SVOPL: variants seen among roughly 807,000 people sequenced by gnomAD.
The protein encoded by SVOPL is putative transporter SVOPL.
Under a neutral mutation model 61.0 loss-of-function variants are expected in SVOPL, and 60 were observed. That is an observed-to-expected ratio of 0.98 (90% confidence interval 0.80 to 1.22). The LOEUF (loss-of-function observed/expected upper bound fraction) is 1.22, where lower values mean the gene tolerates loss of function less well. SVOPL is among the 50% of genes most tolerant of loss of function. The probability of loss-of-function intolerance (pLI) is 0.00; values close to 1 mark genes in which losing one functional copy is unlikely to be tolerated. For missense variants in SVOPL, 662 were observed against 643.9 expected, an observed-to-expected ratio of 1.03 and a Z score of -0.30; for synonymous variants, 279 against 250.0, an observed-to-expected ratio of 1.12 and a Z score of -1.09.
chr7:138,685,160 G>A (rs886143319), intron 1 of SVOPL, among the ~76,000 whole-genome samples: 6 of 152,004 alleles, frequency 3.9e-5, no homozygotes, highest in Admixed American at 1.3e-4. Context: ...TCCGACTCCC[G>A]ACCTCAGGTG....
intron 1 of SVOPL, among the ~76,000 whole-genome samples, chr7:138,686,737 T>C (rs538371121): frequency 4.7e-4 from 72 of 152,084 alleles, no homozygotes; most frequent in African/African-American, 1.7e-3. Flanking sequence ...GCTAATTTTG[T>C]ATTTTTAGTA....
At chr7:138,677,066 T>G (rs1472988321) in intron 3 of SVOPL, among the ~76,000 whole-genome samples, 6 of 151,626 alleles carry the variant, frequency 4.0e-5, no homozygotes, top group Admixed American at 6.6e-5. Flanking sequence ...ACCATGCCCG[T>G]CTCATTTTTT....
intron 10 of SVOPL, among the ~76,000 whole-genome samples, chr7:138,629,770 G>C (rs1800087788): frequency 6.6e-6 from 1 of 152,182 alleles, no homozygotes. Flanking sequence ...GTGAGAAAAA[G>C]ACCAGGCTGC....
chr7:138,698,461 T>A (rs1257997166), intron 1 of SVOPL, among the ~76,000 whole-genome samples: 1 of 152,076 alleles, frequency 6.6e-6, no homozygotes, highest in Admixed American at 6.6e-5. Context: ...CTGGCTGGCA[T>A]CTCAGGTCAT....
intron 7 of SVOPL, among the ~76,000 whole-genome samples, chr7:138,652,861 G>C (rs1362297999): frequency 6.6e-6 from 1 of 151,780 alleles, no homozygotes; most frequent in Non-Finnish European, 1.5e-5. Context: ...CCTGACCTCA[G>C]GTGATCCTCC....
In SVOPL at chr7:138,621,116, C is replaced by T. The variant is rs1287870402; in HGVS notation, c.1283G>A (p.Arg428His). 6.2e-6 allele frequency: 10 copies of T among 1,613,602 alleles called. No homozygotes were observed. Among genetic ancestry groups the T allele is most frequent in the East Asian group, 2.2e-5 (1 of 44,858 alleles). ...YTAEVYPTTM[R>H]ALGMGTSGSL... ...GCCGCTGGTTCCCATCCCCAAAGCG[C>T]GCATCGTGGTGGGGTAGACCTGCAG... is the stretch of plus-strand genomic sequence containing the variant. Residue 428 changes from arginine (R) to histidine (H), a missense_variant, in exon 14 of 16, where the codon CGC becomes CAC. Coordinates refer to ENST00000674285, the MANE Select transcript of SVOPL (RefSeq NM_001139456.2).
At chr7:138,605,875 C>G (rs1428249704) in intron 14 of SVOPL, among the ~76,000 whole-genome samples, 4 of 152,216 alleles carry the variant, frequency 2.6e-5, no homozygotes, top group Admixed American at 1.3e-4. Context: ...ACTCCAGCAG[C>G]CTTCGGGTGT....
At chr7:138,661,746 T>G (rs917719177) in intron 5 of SVOPL, 79 of 874,834 alleles carry the variant, frequency 9.0e-5, no homozygotes, top group Non-Finnish European at 1.0e-4. Context: ...TCTCTCCTCC[T>G]TTAAAAAACC....
chr7:138,693,281 G>A (rs1229870456), intron 1 of SVOPL, among the ~76,000 whole-genome samples: 1 of 152,060 alleles, frequency 6.6e-6, no homozygotes, highest in Non-Finnish European at 1.5e-5. Flanking sequence ...CAAGGCGGAA[G>A]GATTGTTTGA....
chr7:138,626,828 A>G (rs1036777179), intron 12 of SVOPL, among the ~76,000 whole-genome samples: 1 of 141,758 alleles, frequency 7.1e-6, no homozygotes, highest in Non-Finnish European at 1.5e-5. Context: ...CCTGGGTGAC[A>G]AGGTGAGAGA....
chr7:138,656,093 G>T (rs1028245965), intron 7 of SVOPL, among the ~76,000 whole-genome samples: 2 of 152,100 alleles, frequency 1.3e-5, no homozygotes, highest in African/African-American at 4.8e-5. Context: ...CCGCCACCCT[G>T]ATCAGCCAGC....
At chr7:138,675,473 C>G (rs1802536023) in intron 3 of SVOPL, among the ~76,000 whole-genome samples, 1 of 152,060 alleles carries the variant, frequency 6.6e-6, no homozygotes, top group South Asian at 2.1e-4. Flanking sequence ...CCTGACCCTG[C>G]CTTCCGAGTA....
In SVOPL at chr7:138,617,849, G is replaced by A. The variant is rs531836177; in HGVS notation, c.1353+3197C>T. 2.6e-5 allele frequency among the ~76,000 whole-genome samples: 4 copies of A among 151,784 alleles called. No individual in the cohort carries two copies. In the South Asian group the frequency reaches 8.3e-4, roughly 32 times the overall value. On this transcript the variant is annotated intron_variant, in intron 14 of 15. Transcript: ENST00000674285. ...AGACCTTATCTTTAAGGTGGAGGTG[G>A]GGAGGAAAGTAGGTAACTGATCCCA...
chr7:138,622,206 CTATCTATCTATCTATG>C (rs1197467812), intron 13 of SVOPL, among the ~76,000 whole-genome samples: 3,511 of 64,270 alleles, frequency 0.055, 158 homozygotes, highest in South Asian at 0.1. Context: ...ATCTATGTAT[CTATCTATCTATCTATG>C]TATCTATCTA....
chr7:138,679,092 A>T lies in SVOPL; in HGVS notation c.-34-13T>A, dbSNP rs1267551559. 6.7e-7 allele frequency: 1 copy of T among 1,489,192 alleles called. No homozygotes were observed. The highest frequency in any genetic ancestry group is 9.2e-7 in the Non-Finnish European group (1 of 1,092,000). 92.2% of individuals were successfully genotyped at this position (1,489,192 alleles called of 1,614,324 possible). On this transcript the variant is annotated splice_polypyrimidine_tract_variant and intron_variant, in intron 1 of 15. Transcript: ENST00000674285. ...CCAAACAGCTTCCCTGGTGGAAGCA[A>T]GGGAGGGAAGAAGGAAAGAAATATA...
chr7:138,618,235 A>C (rs77953344), intron 14 of SVOPL, among the ~76,000 whole-genome samples: 13,038 of 152,266 alleles, frequency 0.086, 711 homozygotes, highest in African/African-American at 0.15. Flanking sequence ...TCATCATGAT[A>C]ATATTAGCTC....
chr7:138,603,062 T>A (rs941346039), intron 14 of SVOPL, among the ~76,000 whole-genome samples: 1 of 151,984 alleles, frequency 6.6e-6, no homozygotes, highest in African/African-American at 2.4e-5. Flanking sequence ...TACATACACA[T>A]CCACATATAT....
chr7:138,689,008 A>T (rs1214517270), intron 1 of SVOPL: 1 of 675,830 alleles, frequency 1.5e-6, no homozygotes, highest in Non-Finnish European at 2.8e-6. Flanking sequence ...GACCCAGAGA[A>T]CTCCACAAAA....
chr7:138,624,606 C>T (rs905599724), intron 13 of SVOPL, among the ~76,000 whole-genome samples: 4 of 151,596 alleles, frequency 2.6e-5, no homozygotes, highest in East Asian at 1.9e-4. Flanking sequence ...CAAGTCAACA[C>T]GAAATTGGAA....
Sources: allele counts gnomAD v4.1 joint callset (sites outside exome capture counted in the v4.1 genomes callset), GRCh38; gene constraint gnomAD v4.1.1; transcripts MANE v1.5; gene names NCBI Gene and HGNC (gene_info 2026-07-23, HGNC 2026-07-21).